Variants in WAC observed in about 807,000 individuals in gnomAD.
WAC encodes the protein WW domain containing adaptor with coiled-coil, also known as WW domain-containing adapter protein with coiled-coil.
A neutral mutation model predicts 79.6 loss-of-function variants in WAC; 11 were observed. The observed-to-expected ratio is 0.14, with a 90% CI of 0.09 to 0.23. The LOEUF (loss-of-function observed/expected upper bound fraction) is 0.23. Among genes scored for constraint, WAC ranks in the 10% least tolerant of loss-of-function variants. The pLI is 1.00. For missense variants in WAC, 728 were observed against 773.5 expected (o/e 0.94, Z 0.70); for synonymous variants, 304 against 276.9 (o/e 1.10, Z -0.97).
chr10:28,537,902 A>G (rs1334076317), intron 3 of WAC, among the ~76,000 whole-genome samples: 1 of 151,878 alleles, frequency 6.6e-6, no homozygotes. Flanking sequence ...TGTTTTTCTG[A>G]TCTAATCACT....
At chr10:28,583,767 T>G (rs1286593765) in intron 4 of WAC, among the ~76,000 whole-genome samples, 1 of 152,166 alleles carries the variant, frequency 6.6e-6, no homozygotes, top group Non-Finnish European at 1.5e-5. Context: ...AAGCAATGTT[T>G]TTCTGTTGTG....
chr10:28,589,805 C>G lies in WAC; in HGVS notation c.451C>G (p.Arg151Gly), dbSNP rs886041614. ...SSGKKYYYNCRTEVSQWEKPK... is the reference protein window; with the variant it reads ...SSGKKYYYNCGTEVSQWEKPK... Reference sequence around the variant, plus strand: ...TGGGAAAAAGTACTACTACAATTGTCGAACAGAAGTTTCACAATGGGAAAA... The same window carrying G: ...TGGGAAAAAGTACTACTACAATTGTGGAACAGAAGTTTCACAATGGGAAAA... The change falls in exon 5 of 14, where the codon CGA (arginine) becomes GGA (glycine). Residue 151 changes from arginine (R) to glycine (G), a missense_variant. Coordinates refer to ENST00000354911, the MANE Select transcript of WAC (RefSeq NM_016628.5). The G allele has an allele frequency of 6.2e-7, 1 of 1,613,726 alleles. No homozygotes were observed. The highest frequency in any genetic ancestry group is 8.5e-7 in the Non-Finnish European group (1 of 1,179,824).
intron 7 of WAC, among the ~76,000 whole-genome samples, chr10:28,604,196 G>A (rs79591397): frequency 3.9e-4 from 58 of 149,666 alleles, no homozygotes; most frequent in African/African-American, 1.3e-3. Flanking sequence ...TGACTGTTAC[G>A]TCGATGGAAG....
intron 7 of WAC, among the ~76,000 whole-genome samples, chr10:28,597,299 A>C (rs1840427967): frequency 6.6e-6 from 1 of 152,228 alleles, no homozygotes; most frequent in South Asian, 2.1e-4. Context: ...TTAATGCTAT[A>C]GTTAATATAT....
At chr10:28,569,960 C>T (rs10490898) in intron 3 of WAC, among the ~76,000 whole-genome samples, 33,955 of 152,052 alleles carry the variant, frequency 0.22, 4,663 homozygotes, top group Non-Finnish European at 0.28. Context: ...ATGGCTCTAT[C>T]CAAAAATGCA....
rs71281550 is a variant in WAC, at chr10:28,563,744, C to CTTTTT, written c.275-19630_275-19626dup. Among the ~76,000 whole-genome samples the CTTTTT allele has an allele frequency of 9.8e-3, 662 of 67,872 alleles. 6 individuals carry two copies. The highest frequency in any genetic ancestry group is 0.033 in the East Asian group (34 of 1,036). The allele number at this position is 67,872 out of a possible 152,430, so 44.5% of individuals were successfully genotyped here. A position where few individuals can be genotyped will look rare whatever the true frequency, so the allele number is the denominator to read the frequency against. On this transcript the variant is annotated intron_variant, in intron 3 of 13. Coordinates refer to ENST00000354911, the MANE Select transcript of WAC (RefSeq NM_016628.5). ...ACAAGTGCATGCTGCCTACACCCAG[C>CTTTTT]TTTTTTTTTTTTTTTTTTTTTTTTT...
intron 3 of WAC, among the ~76,000 whole-genome samples, chr10:28,541,625 A>G (rs940966237): frequency 1.3e-5 from 2 of 151,642 alleles, no homozygotes; most frequent in Admixed American, 6.6e-5. Flanking sequence ...AAGGGTTTCT[A>G]TATTGTTTCT....
chr10:28,606,327 C>T (rs1368790730), intron 7 of WAC, among the ~76,000 whole-genome samples: 1 of 152,196 alleles, frequency 6.6e-6, no homozygotes, highest in Non-Finnish European at 1.5e-5. Flanking sequence ...TGAGCCACCA[C>T]GTCCATCTGA....
chr10:28,594,665 C>T (rs1233455099), intron 6 of WAC, among the ~76,000 whole-genome samples: 3 of 152,008 alleles, frequency 2.0e-5, no homozygotes, highest in Non-Finnish European at 2.9e-5. Flanking sequence ...GTTCCTCCTT[C>T]GTTGTTTTGT....
intron 3 of WAC, among the ~76,000 whole-genome samples, chr10:28,557,116 A>G (rs970917319): frequency 4.0e-5 from 6 of 151,504 alleles, no homozygotes; most frequent in Non-Finnish European, 7.4e-5. Context: ...GGTATAAGTC[A>G]CGGTTATTTA....
At chr10:28,568,916 T>C (rs1435448520) in intron 3 of WAC, among the ~76,000 whole-genome samples, 8 of 152,342 alleles carry the variant, frequency 5.3e-5, no homozygotes, top group African/African-American at 1.9e-4. Flanking sequence ...CCCAGATAAA[T>C]AGTAATTAGA....
intron 3 of WAC, among the ~76,000 whole-genome samples, chr10:28,543,385 T>C (rs1050012662): frequency 9.2e-5 from 14 of 152,268 alleles, no homozygotes; most frequent in Non-Finnish European, 1.5e-4. Context: ...AAAACTATAA[T>C]GACATACTTT....
intron 3 of WAC, among the ~76,000 whole-genome samples, chr10:28,573,031 A>G (rs570427207): frequency 3.9e-5 from 6 of 152,210 alleles, no homozygotes; most frequent in African/African-American, 1.2e-4. Context: ...AGTGAAGCCC[A>G]GATTGCCTGA....
chr10:28,603,961 G>GTGTATATATA (rs1157009751), intron 7 of WAC, among the ~76,000 whole-genome samples: 1 of 20,904 alleles, frequency 4.8e-5, no homozygotes, highest in African/African-American at 4.2e-4. Flanking sequence ...ATGTATGTAT[G>GTGTATATATA]TATATATATA....
chr10:28,583,374 T>G, intron 3 of WAC, 25 bp from the exon 4 acceptor site: 1 of 1,512,146 alleles, frequency 6.6e-7, no homozygotes, highest in Non-Finnish European at 9.0e-7. Flanking sequence ...TACTTGTAAT[T>G]CACTTTGTTC....
At position 28,589,995 on chromosome 10, in the gene WAC, C is replaced by T. The variant is rs1399118609; in HGVS notation, c.497+144C>T. Reference sequence around the variant, plus strand: ...TAGTTGCGGTGGTTGGTTGCCCCTTCGTGTTTTCCATAGTTTGTCTTTACT... The same window carrying T: ...TAGTTGCGGTGGTTGGTTGCCCCTTTGTGTTTTCCATAGTTTGTCTTTACT... On this transcript the variant is annotated intron_variant, in intron 5 of 13. Transcript: ENST00000354911. 1.0e-5 allele frequency: 6 copies of T among 602,542 alleles called. No individual in the cohort carries two copies. In the East Asian group the frequency reaches 1.2e-4, roughly 12 times the overall value. The allele number at this position is 602,542 out of a possible 1,614,324, so 37.3% of individuals were successfully genotyped here. A position where few individuals can be genotyped will look rare whatever the true frequency, so the allele number is the denominator to read the frequency against.
chr10:28,591,373 C>T (rs958231904), intron 6 of WAC: 1 of 152,618 alleles, frequency 6.6e-6, no homozygotes, highest in Non-Finnish European at 1.5e-5. Flanking sequence ...AAAATGTCTA[C>T]TAGAAAACTT....
chr10:28,617,941 C>G, intron 13 of WAC, 157 bp downstream of exon 13: 1 of 876,840 alleles, frequency 1.1e-6, no homozygotes, highest in Non-Finnish European at 1.6e-6. Flanking sequence ...TAATATTTCT[C>G]GTGAAGGATA....
intron 7 of WAC, among the ~76,000 whole-genome samples, chr10:28,597,952 A>G (rs1413671318): frequency 2.0e-5 from 3 of 152,152 alleles, no homozygotes; most frequent in African/African-American, 7.2e-5. Flanking sequence ...CCGTTTGTTA[A>G]TTTGTAAAAA....
Sources: gnomAD v4.1 joint callset for allele counts (sites outside exome capture counted in the v4.1 genomes callset) on GRCh38, gnomAD v4.1.1 for gene constraint, MANE v1.5 for transcripts, NCBI Gene and HGNC (gene_info 2026-07-23, HGNC 2026-07-21) for gene names.